The following RGS7 variants were observed in gnomAD, a reference collection of about 807,000 sequenced individuals.
The protein encoded by RGS7 is regulator of G protein signaling 7, also known as regulator of G-protein signaling 7.
RGS7 carries 27 observed loss-of-function variants against 81.1 expected under a neutral mutation model. The ratio of observed to expected loss-of-function variants is 0.33; its 90% CI spans 0.25 to 0.46. The LOEUF is 0.46. Among genes scored for constraint, RGS7 ranks in the 20% least tolerant of loss-of-function variants. RGS7 has a pLI of 1.00. For missense variants in RGS7, 396 were observed against 607.4 expected (o/e 0.65, Z 3.66); for synonymous variants, 208 against 207.7 (o/e 1.00, Z -0.01).
At chr1:241,329,069 T>C (rs1477287658) in intron 2 of RGS7, among the ~76,000 whole-genome samples, 1 of 152,236 alleles carries the variant, frequency 6.6e-6, no homozygotes, top group Non-Finnish European at 1.5e-5. Flanking sequence ...TGTTATGCAC[T>C]TGGTAGGTTT....
At chr1:240,809,731 T>C (rs1022953939) in intron 14 of RGS7, among the ~76,000 whole-genome samples, 14 of 152,210 alleles carry the variant, frequency 9.2e-5, no homozygotes, top group African/African-American at 2.9e-4. Context: ...AAGTAGTAGA[T>C]ATAAAATATA....
At chr1:240,939,957 G>A (rs377527118) in intron 4 of RGS7, among the ~76,000 whole-genome samples, 1 of 152,138 alleles carries the variant, frequency 6.6e-6, no homozygotes, top group African/African-American at 2.4e-5. Context: ...GCAGGCATCT[G>A]TAATCCCAGC....
At chr1:241,248,051 G>A (rs748921390) in intron 2 of RGS7, among the ~76,000 whole-genome samples, 79 of 152,234 alleles carry the variant, frequency 5.2e-4, no homozygotes, top group Admixed American at 5.9e-4. Flanking sequence ...CTTTGTGAAG[G>A]TATATCTTTC....
intron 14 of RGS7, among the ~76,000 whole-genome samples, chr1:240,809,652 T>C (rs1199511038): frequency 1.3e-5 from 2 of 152,216 alleles, no homozygotes; most frequent in African/African-American, 4.8e-5. Flanking sequence ...TTACATTTTA[T>C]GTTGTTTTGG....
At chr1:240,951,647 C>T (rs1679582552) in intron 4 of RGS7, among the ~76,000 whole-genome samples, 1 of 151,916 alleles carries the variant, frequency 6.6e-6, no homozygotes, top group Non-Finnish European at 1.5e-5. Flanking sequence ...ACAAAAGCAT[C>T]CAAAAACTGT....
intron 10 of RGS7, chr1:240,823,159 C>G: frequency 8.7e-7 from 1 of 1,153,914 alleles, no homozygotes; most frequent in Non-Finnish European, 1.3e-6. Context: ...GGGGATTTCC[C>G]CATAGAAGTC....
intron 3 of RGS7, among the ~76,000 whole-genome samples, chr1:241,021,653 G>T (rs1482761178): frequency 6.6e-6 from 1 of 152,202 alleles, no homozygotes; most frequent in Non-Finnish European, 1.5e-5. Flanking sequence ...CGGTCAAGGG[G>T]AGGAGGTGGA....
intron 6 of RGS7, among the ~76,000 whole-genome samples, chr1:240,895,105 C>T (rs1204524839): frequency 6.6e-6 from 1 of 151,970 alleles, no homozygotes. Flanking sequence ...TCACTCTCTC[C>T]CTCTTGCTCC....
At chr1:241,319,601 C>T (rs1235530746) in intron 2 of RGS7, among the ~76,000 whole-genome samples, 4 of 151,860 alleles carry the variant, frequency 2.6e-5, no homozygotes, top group African/African-American at 9.7e-5. Context: ...CATAGTTCAC[C>T]GTAACGTCAA....
At position 241,271,290 on chromosome 1, in the gene RGS7, G is replaced by C. The variant is rs61832564; in HGVS notation, c.78+84409C>G. 6.6e-6 allele frequency among the ~76,000 whole-genome samples: 1 copy of C among 152,026 alleles called. No homozygotes were observed. Among genetic ancestry groups the C allele is most frequent in the Non-Finnish European group, 1.5e-5 (1 of 67,980 alleles). The stretch of plus-strand genomic sequence containing the variant: ...CTCCAAGTTTCCTGACATACTTGAC[G>C]GGGGAGACTGGTGTCACATGAGGAC... On this transcript the variant is annotated intron_variant, in intron 2 of 18. Coordinates refer to ENST00000440928, the MANE Select transcript of RGS7 (RefSeq NM_001364886.1). The surrounding 1 kb of genome is among the most constrained non-coding windows in gnomAD (Gnocchi z 4.6).
intron 4 of RGS7, among the ~76,000 whole-genome samples, chr1:240,963,431 G>A (rs2148482254): frequency 6.6e-6 from 1 of 152,256 alleles, no homozygotes; most frequent in African/African-American, 2.4e-5. Context: ...CCAAAACCCT[G>A]AAAGTTAAGA....
In RGS7 at chr1:241,143,146, G is replaced by A. The variant is rs1353021351; in HGVS notation, c.79-44384C>T. ...TATCACTATCAGCGTTTTTGTCAGA[G>A]CCATTCAACAAGTCTCTAGGGAGTT... is the stretch of plus-strand genomic sequence containing the variant. On this transcript the variant is annotated intron_variant, in intron 2 of 18. Transcript: ENST00000440928. Among the ~76,000 whole-genome samples, 19 of 152,278 alleles carry A rather than the reference G, an allele frequency of 1.2e-4. No individual in the cohort carries two copies. The East Asian group carries it at 3.5e-3, about 28-fold the overall frequency.
chr1:241,311,290 C>A (rs1435168040), intron 2 of RGS7, among the ~76,000 whole-genome samples: 3 of 152,192 alleles, frequency 2.0e-5, no homozygotes, highest in African/African-American at 7.2e-5. Flanking sequence ...AAACAGGGTG[C>A]AACGCTCTAA....
At chr1:240,962,068 A>C (rs1023284936) in intron 4 of RGS7, among the ~76,000 whole-genome samples, 13 of 152,134 alleles carry the variant, frequency 8.5e-5, no homozygotes, top group African/African-American at 2.4e-5. Flanking sequence ...AAAGAGTATT[A>C]CACACGTATG....
At chr1:241,093,511 T>C (rs1239930956) in intron 3 of RGS7, among the ~76,000 whole-genome samples, 8 of 152,088 alleles carry the variant, frequency 5.3e-5, no homozygotes, top group Non-Finnish European at 8.8e-5. Context: ...ATTAAAAATA[T>C]AAAGAAAAAC....
intron 4 of RGS7, among the ~76,000 whole-genome samples, chr1:240,955,277 C>T (rs1387644745): frequency 1.3e-5 from 2 of 152,074 alleles, no homozygotes; most frequent in South Asian, 2.1e-4. Flanking sequence ...GAATAACCGA[C>T]ATAATAATGA....
chr1:241,178,283 C>T (rs1408251140), intron 2 of RGS7, among the ~76,000 whole-genome samples: 2 of 151,984 alleles, frequency 1.3e-5, no homozygotes, highest in Non-Finnish European at 2.9e-5. Context: ...CAAAGCAAGA[C>T]CCTGTCTCTA....
intron 2 of RGS7, among the ~76,000 whole-genome samples, chr1:241,250,935 A>C (rs1337008832): frequency 6.6e-6 from 1 of 152,158 alleles, no homozygotes; most frequent in East Asian, 1.9e-4. Context: ...AAAAGTAGGG[A>C]CTATGCCTTG....
intron 2 of RGS7, among the ~76,000 whole-genome samples, chr1:241,265,150 C>A (rs566412631): frequency 3.2e-4 from 48 of 152,338 alleles, no homozygotes; most frequent in African/African-American, 1.1e-3. Context: ...TCACCGTGTT[C>A]CCAAGTGCAG....
Sources: allele counts gnomAD v4.1 joint callset (sites outside exome capture counted in the v4.1 genomes callset), GRCh38; gene constraint gnomAD v4.1.1; non-coding constraint Gnocchi (gnomAD v3.1); transcripts MANE v1.5; gene names NCBI Gene and HGNC (gene_info 2026-07-23, HGNC 2026-07-21).